ATP10B: variants seen among roughly 807,000 people sequenced by gnomAD.
The protein encoded by ATP10B is phospholipid-transporting ATPase VB.
In ATP10B, 122 loss-of-function variants were observed where a neutral mutation model predicts 141.2. That is an observed-to-expected ratio of 0.86 (90% CI 0.75 to 1.00). ATP10B has a LOEUF of 1.00. Among genes scored for constraint, ATP10B ranks in the 50% least tolerant of loss-of-function variants. The pLI, the probability that ATP10B is intolerant of heterozygous loss-of-function variation, is 0.00. For synonymous variants in ATP10B, 685 were observed against 692.0 expected, an observed-to-expected ratio of 0.99 and a Z score of 0.16; for missense variants, 1,876 against 1,825.3, an observed-to-expected ratio of 1.03 and a Z score of -0.51.
intron 2 of ATP10B, among the ~76,000 whole-genome samples, chr5:160,739,569 A>C (rs1232228235): frequency 6.6e-6 from 1 of 152,220 alleles, no homozygotes; most frequent in Non-Finnish European, 1.5e-5. Flanking sequence ...AAAATTACTA[A>C]AGAACAAATG....
chr5:160,565,986 A>G, intron 25 of ATP10B, 86 bp from the exon 26 acceptor site: 2 of 1,297,400 alleles, frequency 1.5e-6, no homozygotes, highest in Non-Finnish European at 2.1e-6. Context: ...TTAGAATCCA[A>G]CTCCCTGCCT....
In ATP10B at chr5:160,602,651, A is replaced by G; in HGVS notation, c.3289T>C (p.Leu1097=). The G allele has an allele frequency of 6.2e-7, 1 of 1,614,064 alleles. No individual in the cohort carries two copies. Among genetic ancestry groups the G allele is most frequent in the Middle Eastern group, 1.7e-4 (1 of 6,058 alleles). The change falls in exon 21 of 26, where the codon TTG becomes CTG. Residue 1097 remains leucine (L), a synonymous_variant. Transcript: ENST00000327245. ...CACCAGTGGCCATGCACGAGCAGCAACTTCTTGAGATGCTTAAAGCGGGTG... is the reference window on the plus strand; with the variant it reads ...CACCAGTGGCCATGCACGAGCAGCAGCTTCTTGAGATGCTTAAAGCGGGTG... ...AITRFKHLKK[L]LLVHGHWCYS...
chr5:160,751,953 T>TAGAA (rs1768181451), intron 2 of ATP10B, among the ~76,000 whole-genome samples: 1 of 152,138 alleles, frequency 6.6e-6, no homozygotes, highest in Non-Finnish European at 1.5e-5. Context: ...CAGAAGAAGA[T>TAGAA]TCTCTAAGGC....
intron 1 of ATP10B, among the ~76,000 whole-genome samples, chr5:160,808,837 A>T (rs1269492702): frequency 1.3e-5 from 2 of 152,226 alleles, no homozygotes; most frequent in Non-Finnish European, 2.9e-5. Context: ...AAGAGAATAC[A>T]TCTATTGTCT....
At chr5:160,890,558 G>A in the ATP10B span, among the ~76,000 whole-genome samples, 1 of 151,800 alleles carries the variant, frequency 6.6e-6, no homozygotes. Flanking sequence ...TTTGTGTCTG[G>A]CTTTCACTTA....
At chr5:160,697,643 G>A (rs923327231) in intron 3 of ATP10B, among the ~76,000 whole-genome samples, 3 of 151,966 alleles carry the variant, frequency 2.0e-5, no homozygotes, top group Non-Finnish European at 2.9e-5. Context: ...GTAAAAGTGG[G>A]GACTAGTGGA....
intron 2 of ATP10B, among the ~76,000 whole-genome samples, chr5:160,785,161 T>C (rs1771042654): frequency 6.6e-6 from 1 of 152,140 alleles, no homozygotes; most frequent in African/African-American, 2.4e-5. Flanking sequence ...TTTACTCCAT[T>C]GACAATCTAT....
intron 8 of ATP10B, among the ~76,000 whole-genome samples, chr5:160,648,943 TAA>T (rs1283843341): frequency 1.3e-5 from 2 of 148,468 alleles, no homozygotes; most frequent in Non-Finnish European, 3.0e-5. Flanking sequence ...TTTTTTTTTT[TAA>T]CAACATTGGT....
At position 160,755,833 on chromosome 5, in the gene ATP10B, AAAAAAATATATATATATATAT is replaced by A. The variant is rs1237063214; in HGVS notation, c.-331+29705_-331+29725del. ...CCGTCTCAAAAAAAAAAAAAAAAAA[AAAAAAATATATATATATATAT>A]ATATATATATATATATATATATATT... On this transcript the variant is annotated intron_variant, in intron 2 of 25. Coordinates refer to ENST00000327245, the MANE Select transcript of ATP10B (RefSeq NM_025153.3). Among the ~76,000 whole-genome samples the A allele has an allele frequency of 1.0e-3, 74 of 71,304 alleles. 1 individual carries two copies. The highest frequency in any genetic ancestry group is 5.7e-3 in the Middle Eastern group (1 of 176). The allele number at this position is 71,304 out of a possible 152,430, so 46.8% of individuals were successfully genotyped here. A position where few individuals can be genotyped will look rare whatever the true frequency, so the allele number is the denominator to read the frequency against.
the ATP10B span, among the ~76,000 whole-genome samples, chr5:160,894,134 T>A: frequency 6.6e-6 from 1 of 152,016 alleles, no homozygotes; most frequent in Non-Finnish European, 1.5e-5. Context: ...AGAACGCGCC[T>A]CTTCTCCTCC....
the ATP10B span, among the ~76,000 whole-genome samples, chr5:160,910,483 C>G: frequency 2.0e-5 from 3 of 152,138 alleles, no homozygotes; most frequent in Admixed American, 2.0e-4. Context: ...GTAGTATGTG[C>G]TCAGTAAATG....
chr5:160,716,961 C>T lies in ATP10B; in HGVS notation c.-257G>A, dbSNP rs147840620. On this transcript the variant is annotated 5_prime_UTR_variant, in exon 3 of 26. It removes the in-frame stop codon of an upstream open reading frame in the 5' UTR. Transcript: ENST00000327245. Reference sequence around the variant, plus strand: ...TAGACCAGTGACCTTTGCTGTGCCCCTACAGCCACAGGAAGAGGGGGCAGA... The same window carrying T: ...TAGACCAGTGACCTTTGCTGTGCCCTTACAGCCACAGGAAGAGGGGGCAGA... 3.0e-6 allele frequency: 3 copies of T among 985,346 alleles called. No homozygotes were observed. Among genetic ancestry groups the T allele is most frequent in the African/African-American group, 3.5e-5 (2 of 57,346 alleles). The allele number at this position is 985,346 out of a possible 1,614,324, so 61.0% of individuals were successfully genotyped here.
intron 1 of ATP10B, among the ~76,000 whole-genome samples, chr5:160,849,203 TG>T (rs1168484836): frequency 6.6e-6 from 1 of 152,148 alleles, no homozygotes; most frequent in Middle Eastern, 3.2e-3. Flanking sequence ...CAATCTTGCT[TG>T]TGAGTGGAGG....
chr5:160,734,798 G>A (rs1183935466), intron 2 of ATP10B, among the ~76,000 whole-genome samples: 2 of 151,842 alleles, frequency 1.3e-5, no homozygotes, highest in African/African-American at 4.8e-5. Context: ...AACTATTGAG[G>A]AAGTAAACAC....
At chr5:160,825,460 C>T (rs1774520393) in intron 1 of ATP10B, among the ~76,000 whole-genome samples, 1 of 152,198 alleles carries the variant, frequency 6.6e-6, no homozygotes, top group Non-Finnish European at 1.5e-5. Context: ...TGAGACATGC[C>T]TTTCACCTTC....
At chr5:160,723,953 A>C (rs1351105968) in intron 2 of ATP10B, among the ~76,000 whole-genome samples, 1 of 152,230 alleles carries the variant, frequency 6.6e-6, no homozygotes, top group African/African-American at 2.4e-5. Context: ...TGCAGCCACA[A>C]AAAAGAATAA....
At chr5:160,661,808 C>A (rs1276150712) in intron 7 of ATP10B, among the ~76,000 whole-genome samples, 1 of 152,074 alleles carries the variant, frequency 6.6e-6, no homozygotes, top group East Asian at 1.9e-4. Flanking sequence ...GGCAATCAGG[C>A]AGGAGAAGGA....
intron 1 of ATP10B, among the ~76,000 whole-genome samples, chr5:160,805,459 C>A (rs765844021): frequency 2.6e-5 from 4 of 152,172 alleles, no homozygotes; most frequent in Non-Finnish European, 4.4e-5. Flanking sequence ...AAGCTGTCTG[C>A]TCATTTTAGA....
chr5:160,602,493 G>GC (rs1757146859), intron 21 of ATP10B, 84 bp downstream of exon 21: 1 of 1,578,000 alleles, frequency 6.3e-7, no homozygotes, highest in African/African-American at 1.3e-5. Context: ...ATGCTGAGGT[G>GC]CTTTGCCCAC....
Sources: allele counts gnomAD v4.1 joint callset (sites outside exome capture counted in the v4.1 genomes callset), GRCh38; gene constraint gnomAD v4.1.1; transcripts MANE v1.5; gene names NCBI Gene and HGNC (gene_info 2026-07-23, HGNC 2026-07-21).